The following ARSH variants were observed in gnomAD, a reference collection of about 807,000 sequenced individuals.
ARSH encodes the protein arylsulfatase H.
A neutral mutation model predicts 28.7 loss-of-function variants in ARSH; 32 were observed. That is an observed-to-expected ratio of 1.11 (90% CI 0.84 to 1.50). The LOEUF is 1.50. ARSH is among the 40% of genes most tolerant of loss of function. The pLI is 0.00. For synonymous variants in ARSH, 176 were observed against 177.3 expected (o/e 0.99, Z 0.06); for missense variants, 440 against 452.4 (o/e 0.97, Z 0.25).
intron 4 of ARSH, among the ~76,000 whole-genome samples, chrX:3,017,857 C>A (rs2089870138): frequency 8.9e-6 from 1 of 112,020 alleles, no homozygotes; most frequent in Admixed American, 9.5e-5. Context: ...GAACTCATAC[C>A]TAAAAGAACA....
chrX:3,008,493 CTTT>C (rs2089836744), intron 1 of ARSH, among the ~76,000 whole-genome samples: 1 of 98,908 alleles, frequency 1.0e-5, no homozygotes, highest in African/African-American at 3.7e-5. Context: ...TTCTTTCTTT[CTTT>C]CTTTCTTTCT....
At chrX:3,008,873 C>G (rs2089838414) in intron 1 of ARSH, among the ~76,000 whole-genome samples, 1 of 110,846 alleles carries the variant, frequency 9.0e-6, no homozygotes, top group Non-Finnish European at 1.9e-5. Context: ...TCACACTCAG[C>G]CTCCATTATC....
At chrX:3,024,564 T>C (rs1425756027) in intron 6 of ARSH, among the ~76,000 whole-genome samples, 1 of 111,365 alleles carries the variant, frequency 9.0e-6, no homozygotes, top group East Asian at 2.8e-4. Context: ...CTCCTGATAT[T>C]GCCCAGTGTC....
At chrX:3,013,535 G>A (rs1240666732) in intron 3 of ARSH, among the ~76,000 whole-genome samples, 1 of 101,996 alleles carries the variant, frequency 9.8e-6, no homozygotes, top group Non-Finnish European at 2.0e-5. Context: ...GTCAAATGGA[G>A]GCAATTGCTG....
chrX:3,010,022 G>A lies in ARSH; in HGVS notation c.93-8G>A, dbSNP rs2089841858. 8.3e-7 allele frequency: 1 copy of A among 1,206,681 alleles called. No homozygotes were observed. Among genetic ancestry groups the A allele is most frequent in the African/African-American group, 1.8e-5 (1 of 56,941 alleles). On this transcript the variant is annotated splice_region_variant and splice_polypyrimidine_tract_variant and intron_variant, in intron 1 of 8. Coordinates refer to ENST00000381130, the MANE Select transcript of ARSH (RefSeq NM_001011719.2). ...AACTCACCTGCTGAATTCTTCTTTG[G>A]TCTGCAGCACACCTAATATTGACCG...
chrX:3,014,312 G>A (rs1006028419), intron 3 of ARSH, among the ~76,000 whole-genome samples: 1 of 111,361 alleles, frequency 9.0e-6, no homozygotes, highest in African/African-American at 3.3e-5. Context: ...ATAATAAAGG[G>A]TCTGGGAAGT....
rs1038477989 is a variant in ARSH, at chrX:3,029,516, G to A, written c.1321+148G>A. 4.8e-6 allele frequency: 3 copies of A among 627,818 alleles called. No homozygotes were observed. The African/African-American group carries it at 6.9e-5, about 14-fold the overall frequency. The allele number at this position is 627,818 out of a possible 1,213,427, so 51.7% of individuals were successfully genotyped here. A position where few individuals can be genotyped will look rare whatever the true frequency, so the allele number is the denominator to read the frequency against. The stretch of plus-strand genomic sequence containing the variant: ...GAGAAAGCCACATAAACAGTGCACT[G>A]CAGTAGGATTTTATTTTATTTTATT... On this transcript the variant is annotated intron_variant, in intron 8 of 8. Transcript: ENST00000381130.
intron 7 of ARSH, 95 bp from the exon 8 acceptor site, chrX:3,029,152 C>T (rs1363720341): frequency 4.3e-6 from 3 of 701,272 alleles, no homozygotes; most frequent in Non-Finnish European, 5.8e-6. Flanking sequence ...CTTCCTTTTC[C>T]TCCTCCTCCT....
At chrX:3,022,940 C>T (rs1410711324) in intron 5 of ARSH, among the ~76,000 whole-genome samples, 1 of 109,906 alleles carries the variant, frequency 9.1e-6, no homozygotes, top group Non-Finnish European at 1.9e-5. Context: ...TATTTAACTG[C>T]TGGGCCTTCT....
At chrX:3,016,849 G>A (rs934467139) in intron 4 of ARSH, among the ~76,000 whole-genome samples, 44 of 111,560 alleles carry the variant, frequency 3.9e-4, no homozygotes, top group Non-Finnish European at 4.5e-4. Flanking sequence ...CTCCCAAAAT[G>A]CTGGGATTAC....
intron 7 of ARSH, 90 bp from the exon 8 acceptor site, chrX:3,029,157 C>G: frequency 5.2e-6 from 5 of 969,563 alleles, no homozygotes; most frequent in Non-Finnish European, 6.9e-6. Flanking sequence ...TTTTCCTCCT[C>G]CTCCTCCTCC....
chrX:3,027,585 C>G lies in ARSH; in HGVS notation c.1199+110C>G, dbSNP rs960195667. 7.0e-6 allele frequency: 6 copies of G among 856,265 alleles called. No homozygotes were observed. The African/African-American group carries it at 1.2e-4, about 17-fold the overall frequency. 70.6% of individuals were successfully genotyped at this position (856,265 alleles called of 1,213,427 possible). On this transcript the variant is annotated intron_variant, in intron 7 of 8. Coordinates refer to ENST00000381130, the MANE Select transcript of ARSH (RefSeq NM_001011719.2). ...TGTACATAGTATATTACTTAATTAT[C>G]AATATTCTGCCCATAGGGCCAGATG...
At chrX:3,030,552 C>T (rs1370096786) in intron 8 of ARSH, among the ~76,000 whole-genome samples, 1 of 111,438 alleles carries the variant, frequency 9.0e-6, no homozygotes, top group African/African-American at 3.3e-5. Context: ...GGAGGCCTCA[C>T]AATCATGGTG....
At chrX:3,024,535 C>A (rs1396963155) in intron 6 of ARSH, among the ~76,000 whole-genome samples, 2 of 110,822 alleles carry the variant, frequency 1.8e-5, no homozygotes, top group African/African-American at 6.6e-5. Context: ...CACCGCAGAG[C>A]AGCAACAACC....
At chrX:3,012,583 AT>A (rs1333273534) in intron 2 of ARSH, among the ~76,000 whole-genome samples, 6 of 17,943 alleles carry the variant, frequency 3.3e-4, no homozygotes, top group Admixed American at 1.5e-3. Context: ...ATATATATAT[AT>A]ATATATATAT....
intron 5 of ARSH, among the ~76,000 whole-genome samples, chrX:3,021,868 A>G (rs1420024856): frequency 1.1e-5 from 1 of 87,781 alleles, no homozygotes. Flanking sequence ...GTGCACCACC[A>G]TGTCTGGCCA....
rs375440603 is a variant in ARSH at position 3,012,440 on chromosome X, C to T, written c.215-607C>T. ...ACATCTGTAATTCCAGCTAGGGAGG[C>T]GGAGGCACGAGAATTGCTTGAACCT... is the stretch of plus-strand genomic sequence containing the variant. On this transcript the variant is annotated intron_variant, in intron 2 of 8. Coordinates refer to ENST00000381130, the MANE Select transcript of ARSH (RefSeq NM_001011719.2). Among the ~76,000 whole-genome samples, 69 of 91,789 alleles carry T rather than the reference C, an allele frequency of 7.5e-4. 2 individuals carry two copies. The South Asian group carries it at 0.032, about 42-fold the overall frequency. 79.7% of individuals were successfully genotyped at this position (91,789 alleles called of 115,157 possible). A position where few individuals can be genotyped will look rare whatever the true frequency, so the allele number is the denominator to read the frequency against.
chrX:3,027,620 C>T, intron 7 of ARSH, 145 bp downstream of exon 7: 1 of 618,075 alleles, frequency 1.6e-6, no homozygotes, highest in South Asian at 3.6e-5. Context: ...GTCTTTCTCC[C>T]CTTGGTGCGT....
rs1360777591 is a variant in ARSH, at chrX:3,033,003, C to A, written c.1322-15C>A. 8.4e-7 allele frequency: 1 copy of A among 1,195,359 alleles called. No individual in the cohort carries two copies. The highest frequency in any genetic ancestry group is 1.1e-6 in the Non-Finnish European group (1 of 886,636). ...CACAAAGATGGTATCATACATAATGCAACTTGTTTTTTAGGTGCAACTGTG... is the reference window on the plus strand; with the variant it reads ...CACAAAGATGGTATCATACATAATGAAACTTGTTTTTTAGGTGCAACTGTG... On this transcript the variant is annotated splice_polypyrimidine_tract_variant and intron_variant, in intron 8 of 8. Transcript: ENST00000381130.
Sources: gnomAD v4.1 joint callset for allele counts (sites outside exome capture counted in the v4.1 genomes callset) on GRCh38, gnomAD v4.1.1 for gene constraint, MANE v1.5 for transcripts, NCBI Gene and HGNC (gene_info 2026-07-23, HGNC 2026-07-21) for gene names.